Variants in FN3K observed in about 807,000 individuals in gnomAD.
FN3K encodes the protein fructosamine 3 kinase, also known as fructosamine-3-kinase.
FN3K carries 24 observed loss-of-function variants against 24.8 expected under a neutral mutation model. The ratio of observed to expected loss-of-function variants is 0.97; its 90% CI spans 0.70 to 1.36. The LOEUF is 1.36. Among genes scored for constraint, FN3K ranks in the 40% most tolerant of loss-of-function variants. The pLI is 0.00. For missense variants in FN3K, 449 were observed against 416.7 expected (o/e 1.08, Z -0.67); for synonymous variants, 192 against 175.2 (o/e 1.10, Z -0.76).
At position 82,735,792 on chromosome 17, in the gene FN3K, G is replaced by T. The variant is rs964414905; in HGVS notation, c.141+15G>T. 2 of 1,552,250 alleles carry T rather than the reference G, an allele frequency of 1.3e-6. No homozygotes were observed. Among genetic ancestry groups the T allele is most frequent in the Non-Finnish European group, 1.7e-6 (2 of 1,149,736 alleles). The stretch of plus-strand genomic sequence containing the variant: ...GCAGGACGCAGGTGCTGGCCCGTGC[G>T]CAGGCGGGGGCTCTGCGGGTCTCTG... On this transcript the variant is annotated intron_variant, in intron 1 of 5. Coordinates refer to ENST00000300784, the MANE Select transcript of FN3K (RefSeq NM_022158.4).
rs1263032141 is a variant in FN3K, at chr17:82,744,052, G to A, written c.468+2659G>A. Among the ~76,000 whole-genome samples, 10 of 152,342 alleles carry A rather than the reference G, an allele frequency of 6.6e-5. No homozygotes were observed. In the South Asian group the frequency reaches 1.7e-3, roughly 25 times the overall value. On this transcript the variant is annotated intron_variant, in intron 4 of 5. Transcript: ENST00000300784. ...CTTGGGCAGGCAAATGGGAAATAACGGGAGGCTGCACGGTGCACCTCTGAG... is the reference window on the plus strand; with the variant it reads ...CTTGGGCAGGCAAATGGGAAATAACAGGAGGCTGCACGGTGCACCTCTGAG...
intron 4 of FN3K, among the ~76,000 whole-genome samples, chr17:82,747,932 G>T (rs915298370): frequency 1.3e-5 from 2 of 152,144 alleles, no homozygotes; most frequent in Admixed American, 6.5e-5. Context: ...ACGTAGGAAC[G>T]GGGGTGGGCA....
chr17:82,748,142 C>CTTTTTTT (rs145352692), intron 4 of FN3K, among the ~76,000 whole-genome samples: 3 of 141,866 alleles, frequency 2.1e-5, no homozygotes, highest in Non-Finnish European at 3.1e-5. Flanking sequence ...CTCTAGCTTT[C>CTTTTTTT]TTTTTTTTTT....
chr17:82,750,911 C>CCCATCCTCCT lies in FN3K; in HGVS notation c.*156_*157insCCATCCTCCT, dbSNP rs1286934899. 15 of 429,358 alleles carry CCCATCCTCCT rather than the reference C, an allele frequency of 3.5e-5. No homozygotes were observed. The African/African-American group carries it at 6.7e-4, about 19-fold the overall frequency. 26.6% of individuals were successfully genotyped at this position (429,358 alleles called of 1,614,324 possible). The stretch of plus-strand genomic sequence containing the variant: ...CCCCGTCCCCCCATCCTCCTGTCCC[C>CCCATCCTCCT]GTCCCCCCGTCCCCGTCCCTCCATC... On this transcript the variant is annotated 3_prime_UTR_variant, in exon 6 of 6. Coordinates refer to ENST00000300784, the MANE Select transcript of FN3K (RefSeq NM_022158.4).
intron 2 of FN3K, among the ~76,000 whole-genome samples, chr17:82,739,591 G>A (rs1165472083): frequency 6.6e-6 from 1 of 151,762 alleles, no homozygotes; most frequent in East Asian, 1.9e-4. Context: ...CCGAGTAGAA[G>A]GGACTACAGG....
At chr17:82,739,484 G>A (rs1167633625) in intron 2 of FN3K, among the ~76,000 whole-genome samples, 1 of 145,134 alleles carries the variant, frequency 6.9e-6, no homozygotes. Flanking sequence ...TTGAGACGGA[G>A]TGTCGCTCTG....
rs2047006955 is a variant in FN3K at position 82,750,565 on chromosome 17, C to G, written c.740C>G (p.Ala247Gly). The G allele has an allele frequency of 1.2e-6, 2 of 1,614,172 alleles. No individual in the cohort carries two copies. Among genetic ancestry groups the G allele is most frequent in the East Asian group, 4.5e-5 (2 of 44,882 alleles). ...SFYGHSEFELAIALMFGGFPR... is the reference protein window; with the variant it reads ...SFYGHSEFELGIALMFGGFPR... ...TATGGCCATTCCGAGTTTGAACTGG[C>G]AATCGCCTTGATGTTTGGGGGGTTC... is the stretch of plus-strand genomic sequence containing the variant. The change falls in exon 6 of 6, where the codon GCA becomes GGA. Residue 247 changes from alanine to glycine, a missense_variant. Coordinates refer to ENST00000300784, the MANE Select transcript of FN3K (RefSeq NM_022158.4).
chr17:82,738,946 A>T lies in FN3K; in HGVS notation c.293+306A>T, dbSNP rs12601603. On this transcript the variant is annotated intron_variant, in intron 2 of 5. Coordinates refer to ENST00000300784, the MANE Select transcript of FN3K (RefSeq NM_022158.4). The stretch of plus-strand genomic sequence containing the variant: ...TACACATATATATATATATATATAT[A>T]TTTTTTTTTTTTTTGAAACACAGTC... 5.8e-3 allele frequency among the ~76,000 whole-genome samples: 503 copies of T among 86,146 alleles called. 19 individuals are homozygous for T. Among genetic ancestry groups the T allele is most frequent in the African/African-American group, 7.7e-3 (149 of 19,434 alleles). The allele number at this position is 86,146 out of a possible 152,430, so 56.5% of individuals were successfully genotyped here.
intron 2 of FN3K, among the ~76,000 whole-genome samples, chr17:82,740,180 C>T (rs1391884554): frequency 6.6e-6 from 1 of 152,152 alleles, no homozygotes; most frequent in East Asian, 1.9e-4. Context: ...GTACTATAGG[C>T]CTGAGCCACT....
rs1172908434 is a variant in FN3K at position 82,741,168 on chromosome 17, A to C, written c.386-143A>C. ...AGTGTCCTGGCAGATCCATATATTG[A>C]CTAATTGCTACTGTATGTAGTACAT... On this transcript the variant is annotated intron_variant, in intron 3 of 5. Transcript: ENST00000300784. 3 of 761,702 alleles carry C rather than the reference A, an allele frequency of 3.9e-6. No homozygotes were observed. In the African/African-American group the frequency reaches 5.2e-5, roughly 13 times the overall value. 47.2% of individuals were successfully genotyped at this position (761,702 alleles called of 1,614,324 possible).
At chr17:82,746,337 T>C (rs985376253) in intron 4 of FN3K, among the ~76,000 whole-genome samples, 4 of 152,164 alleles carry the variant, frequency 2.6e-5, no homozygotes, top group East Asian at 1.9e-4. Context: ...TGACAAAATA[T>C]CTTCTTTGGT....
In FN3K at chr17:82,748,995, T is replaced by C. The variant is rs746199125; in HGVS notation, c.591+18T>C. Reference sequence around the variant, plus strand: ...GGCTACAGGTGGGCACGGCAGTGACTTCTCTGGGAAAGAGCTGGTCCTCTC... The same window carrying C: ...GGCTACAGGTGGGCACGGCAGTGACCTCTCTGGGAAAGAGCTGGTCCTCTC... On this transcript the variant is annotated intron_variant, in intron 5 of 5. Coordinates refer to ENST00000300784, the MANE Select transcript of FN3K (RefSeq NM_022158.4). The C allele has an allele frequency of 6.2e-7, 1 of 1,614,070 alleles. No individual in the cohort carries two copies. The highest frequency in any genetic ancestry group is 8.5e-7 in the Non-Finnish European group (1 of 1,179,980).
intron 4 of FN3K, among the ~76,000 whole-genome samples, chr17:82,747,524 C>G (rs559856084): frequency 6.6e-6 from 1 of 152,162 alleles, no homozygotes; most frequent in Non-Finnish European, 1.5e-5. Flanking sequence ...CCTCAGCCTC[C>G]CGAGTAGCTG....
intron 2 of FN3K, among the ~76,000 whole-genome samples, chr17:82,740,459 G>A (rs2046935031): frequency 6.7e-6 from 1 of 149,296 alleles, no homozygotes; most frequent in African/African-American, 2.5e-5. Flanking sequence ...AGGAATGGTG[G>A]CACAGGCATG....
At chr17:82,748,476 T>C (rs1420120205) in intron 4 of FN3K, among the ~76,000 whole-genome samples, 4 of 149,322 alleles carry the variant, frequency 2.7e-5, no homozygotes, top group Non-Finnish European at 5.9e-5. Flanking sequence ...AGTGTTAGCA[T>C]GGTATATCTT....
At chr17:82,747,923 C>T (rs79009472) in intron 4 of FN3K, among the ~76,000 whole-genome samples, 2,586 of 152,270 alleles carry the variant, frequency 0.017, 61 homozygotes, top group African/African-American at 0.06. Context: ...AGGGCTTCAA[C>T]GTAGGAACGG....
chr17:82,738,467 C>A lies in FN3K; in HGVS notation c.142-22C>A, dbSNP rs751634592. On this transcript the variant is annotated intron_variant, in intron 1 of 5. Coordinates refer to ENST00000300784, the MANE Select transcript of FN3K (RefSeq NM_022158.4). Reference sequence around the variant, plus strand: ...GCCCTGGCTGAGTCAACAAGGCTGACAAGGCTGTGTTCTGGATGCAGGCCC... The same window carrying A: ...GCCCTGGCTGAGTCAACAAGGCTGAAAAGGCTGTGTTCTGGATGCAGGCCC... 4 of 1,611,724 alleles carry A rather than the reference C, an allele frequency of 2.5e-6. No homozygotes were observed. In the East Asian group the frequency reaches 8.9e-5, roughly 36 times the overall value.
In FN3K at chr17:82,750,701, C is replaced by T. The variant is rs763285633; in HGVS notation, c.876C>T (p.Phe292=). 3 of 1,613,710 alleles carry T rather than the reference C, an allele frequency of 1.9e-6. No homozygotes were observed. In the East Asian group the frequency reaches 6.7e-5, roughly 36 times the overall value. ...LFNYLNHWNH[F]GREYRSPSLG... is the part of the protein sequence containing the mutation. Reference sequence around the variant, plus strand: ...ACTACCTGAACCACTGGAACCACTTCGGGCGGGAGTACAGGAGCCCTTCCT... The same window carrying T: ...ACTACCTGAACCACTGGAACCACTTTGGGCGGGAGTACAGGAGCCCTTCCT... Residue 292 remains phenylalanine, a synonymous_variant, in exon 6 of 6, where the codon TTC becomes TTT. Transcript: ENST00000300784.
chr17:82,738,942 A>G (rs905669420), intron 2 of FN3K, among the ~76,000 whole-genome samples: 2 of 106,708 alleles, frequency 1.9e-5, no homozygotes, highest in African/African-American at 4.1e-5. Flanking sequence ...ATATATATAT[A>G]TATATTTTTT....
Sources: allele counts gnomAD v4.1 joint callset (sites outside exome capture counted in the v4.1 genomes callset), GRCh38; gene constraint gnomAD v4.1.1; transcripts MANE v1.5; gene names NCBI Gene and HGNC (gene_info 2026-07-23, HGNC 2026-07-21).